DNAH3: variants seen among roughly 807,000 people sequenced by gnomAD.
The protein encoded by DNAH3 is dynein axonemal heavy chain 3, also known as axonemal beta dynein heavy chain 3.
In DNAH3, 332 loss-of-function variants were observed where a neutral mutation model predicts 432.5. That is an observed-to-expected ratio of 0.77 (90% CI 0.70 to 0.84). The LOEUF (loss-of-function observed/expected upper bound fraction) is 0.84. Ranked by LOEUF, DNAH3 falls within the 40% of genes least tolerant of loss-of-function variation. DNAH3 has a pLI of 0.00. For synonymous variants in DNAH3, 1,956 were observed against 1,900.2 expected, an observed-to-expected ratio of 1.03 and a Z score of -0.76; for missense variants, 4,861 against 5,114.0, an observed-to-expected ratio of 0.95 and a Z score of 1.51.
chr16:21,013,500 C>T (rs989990828), intron 41 of DNAH3, among the ~76,000 whole-genome samples: 1 of 152,102 alleles, frequency 6.6e-6, no homozygotes, highest in African/African-American at 2.4e-5. Flanking sequence ...GCAGGCAGAT[C>T]ACCTGAGGTC....
exon 53 of DNAH3, chr16:20,965,392 T>C (rs771027494): frequency 3.3e-6 from 5 of 1,533,064 alleles, no homozygotes; most frequent in Non-Finnish European, 3.5e-6. Flanking sequence ...AAGAATCTTT[T>C]TGGATACCCC....
chr16:21,148,268 C>T (rs569009010), intron 1 of DNAH3, among the ~76,000 whole-genome samples: 2 of 152,172 alleles, frequency 1.3e-5, no homozygotes, highest in South Asian at 4.2e-4. Context: ...ATACTATCTA[C>T]CATTATTCCA....
exon 53 of DNAH3, chr16:20,964,317 G>C: frequency 6.2e-7 from 1 of 1,614,192 alleles, no homozygotes; most frequent in Middle Eastern, 1.6e-4. Context: ...TGAGGAGACA[G>C]ACCTTCACGG....
rs368744783 is a variant in DNAH3 at position 20,984,030 on chromosome 16, A to AAAG, written c.7665+1046_7665+1047insCTT. Among the ~76,000 whole-genome samples the AAAG allele has an allele frequency of 3.2e-3, 130 of 41,148 alleles. 1 individual carries two copies. The highest frequency in any genetic ancestry group is 0.011 in the African/African-American group (123 of 11,528). The allele number at this position is 41,148 out of a possible 152,430, so 27.0% of individuals were successfully genotyped here. On this transcript the variant is annotated intron_variant, in intron 48 of 61. Coordinates refer to ENST00000261383, the Ensembl canonical transcript of DNAH3. ...TGACAGAGCAAGACCCTATATCCAG[A>AAAG]AAAAAAAAAAAAAAAGACAGAAAGG...
intron 18 of DNAH3, among the ~76,000 whole-genome samples, chr16:21,090,946 G>A (rs544791364): frequency 1.6e-4 from 25 of 152,134 alleles, no homozygotes; most frequent in East Asian, 3.9e-4. Context: ...GAGCTCAGGC[G>A]TTCAAGACCG....
chr16:20,987,989 C>G, exon 45 of DNAH3: 1 of 1,614,142 alleles, frequency 6.2e-7, no homozygotes, highest in South Asian at 1.1e-5. Context: ...AGTCAACAAT[C>G]GAACTGAAAA....
chr16:21,159,221 A>G (rs1323760887), intron 1 of DNAH3: 6 of 1,051,246 alleles, frequency 5.7e-6, no homozygotes, highest in African/African-American at 4.7e-5. Flanking sequence ...GCAAGTATCA[A>G]AGGGGGCTTC....
chr16:21,119,850 G>A (rs769753177), intron 11 of DNAH3, among the ~76,000 whole-genome samples: 6 of 150,210 alleles, frequency 4.0e-5, no homozygotes, highest in South Asian at 2.1e-4. Context: ...CAGCCATCTC[G>A]GCTAATTTTT....
chr16:20,987,767 G>A lies in DNAH3; in HGVS notation c.6808C>T (p.His2270Tyr). The A allele has an allele frequency of 4.3e-6, 7 of 1,614,146 alleles. No homozygotes were observed. The highest frequency in any genetic ancestry group is 1.3e-5 in the African/African-American group (1 of 75,034). ...AAGTCCCGCAGGTTAAAGACGTAAT[G>A]TGACTTCGAGGGAGTTGGCAAGAAG... is the stretch of plus-strand genomic sequence containing the variant. Residue 2270 changes from histidine (H) to tyrosine (Y), a missense_variant, in exon 46 of 62, where the codon CAT becomes TAT. His to Tyr is a moderately conservative substitution (Grantham distance 83). Coordinates refer to ENST00000261383, the Ensembl canonical transcript of DNAH3.
intron 23 of DNAH3, among the ~76,000 whole-genome samples, chr16:21,068,959 C>G (rs1395399411): frequency 6.6e-6 from 1 of 150,716 alleles, no homozygotes; most frequent in African/African-American, 2.4e-5. Flanking sequence ...GAGTCTTGCT[C>G]TCTCTCCCAG....
chr16:21,036,098 G>A (rs1215830413), intron 35 of DNAH3, among the ~76,000 whole-genome samples: 1 of 152,162 alleles, frequency 6.6e-6, no homozygotes, highest in Non-Finnish European at 1.5e-5. Flanking sequence ...GCTGAGGTGG[G>A]TGGATCACCT....
At chr16:21,098,353 C>T (rs905382779) in intron 17 of DNAH3, among the ~76,000 whole-genome samples, 9 of 149,594 alleles carry the variant, frequency 6.0e-5, no homozygotes, top group African/African-American at 2.2e-4. Context: ...GCAGGAGAAT[C>T]ACTTGAACCC....
intron 56 of DNAH3, among the ~76,000 whole-genome samples, chr16:20,949,182 C>T (rs980762079): frequency 7.7e-5 from 11 of 142,540 alleles, no homozygotes; most frequent in Non-Finnish European, 1.2e-4. Flanking sequence ...CACCACTGGG[C>T]GGTTAATACT....
At chr16:20,997,547 T>C in intron 43 of DNAH3, 85 bp from the exon 44 acceptor site, 17 of 1,414,230 alleles carry the variant, frequency 1.2e-5, no homozygotes, top group Non-Finnish European at 1.6e-5. Flanking sequence ...AATTCCCCTG[T>C]AGGGGAATCT....
At chr16:21,054,701 T>C (rs745307720) in intron 27 of DNAH3, among the ~76,000 whole-genome samples, 167 bp from the exon 28 acceptor site, 65 of 152,224 alleles carry the variant, frequency 4.3e-4, no homozygotes, top group Non-Finnish European at 6.8e-4. Flanking sequence ...CTGAATGAAT[T>C]CCTAATGCAT....
chr16:20,988,760 C>G (rs1195793581), intron 44 of DNAH3, among the ~76,000 whole-genome samples: 2 of 152,228 alleles, frequency 1.3e-5, no homozygotes, highest in African/African-American at 2.4e-5. Context: ...CGCGACCCCT[C>G]GCGGTGAGTG....
At chr16:20,980,831 G>T (rs1388831678) in intron 49 of DNAH3, among the ~76,000 whole-genome samples, 2 of 152,088 alleles carry the variant, frequency 1.3e-5, no homozygotes, top group East Asian at 3.8e-4. Flanking sequence ...TTAAATCAGG[G>T]ATTAGTAAAC....
In DNAH3 at chr16:21,051,694, G is replaced by A. The variant is rs746422189; in HGVS notation, c.4214C>T (p.Thr1405Ile). Residue 1405 changes from threonine (T) to isoleucine (I), a missense_variant, in exon 29 of 62, where the codon ACA (threonine) becomes ATA (isoleucine). Transcript: ENST00000261383. ...CCTGTAGCAGCGGTCGGTGAGGGGT[G>A]TGATCACCAGCCGGGGGGAGTTTCC... The A allele has an allele frequency of 8.1e-6, 13 of 1,613,452 alleles. No homozygotes were observed. The East Asian group carries it at 2.9e-4, about 36-fold the overall frequency.
intron 18 of DNAH3, among the ~76,000 whole-genome samples, chr16:21,088,758 T>A: frequency 6.6e-6 from 1 of 152,152 alleles, no homozygotes; most frequent in Admixed American, 6.5e-5. Context: ...AATATGGAGG[T>A]TGCAGGAAAT....
Sources: gnomAD v4.1 joint callset for allele counts (sites outside exome capture counted in the v4.1 genomes callset) on GRCh38, gnomAD v4.1.1 for gene constraint, MANE v1.5 for transcripts, NCBI Gene and HGNC (gene_info 2026-07-23, HGNC 2026-07-21) for gene names.